Variants in CENPP observed in about 807,000 individuals in gnomAD.
CENPP encodes the protein centromere protein P.
Under a neutral mutation model 35.6 loss-of-function variants are expected in CENPP, and 24 were observed. The ratio of observed to expected loss-of-function variants is 0.67; its 90% CI spans 0.49 to 0.95. CENPP has a LOEUF of 0.95. Ranked by LOEUF, CENPP falls within the 40% of genes least tolerant of loss-of-function variation. The probability of loss-of-function intolerance (pLI) is 0.00; values close to 1 mark genes in which losing one functional copy is unlikely to be tolerated. For synonymous variants in CENPP, 120 were observed against 125.5 expected, an observed-to-expected ratio of 0.96 and a Z score of 0.29; for missense variants, 332 against 345.3, an observed-to-expected ratio of 0.96 and a Z score of 0.31.
At chr9:92,421,180 C>T (rs1843780863) in intron 5 of CENPP, among the ~76,000 whole-genome samples, 1 of 152,134 alleles carries the variant, frequency 6.6e-6, no homozygotes, top group East Asian at 1.9e-4. Context: ...GCTGGGATTA[C>T]AGATGCGTGC....
chr9:92,396,502 TAGG>T (rs1842895945), intron 5 of CENPP, among the ~76,000 whole-genome samples: 1 of 152,112 alleles, frequency 6.6e-6, no homozygotes, highest in African/African-American at 2.4e-5. Flanking sequence ...TCCTTATATA[TAGG>T]TCTTCTTTAT....
At chr9:92,491,051 T>G (rs1464879055) in intron 5 of CENPP, among the ~76,000 whole-genome samples, 1 of 152,204 alleles carries the variant, frequency 6.6e-6, no homozygotes, top group Non-Finnish European at 1.5e-5. Flanking sequence ...TTTTAGCACC[T>G]ACTTTGCACA....
chr9:92,325,900 G>A (rs1179576854), upstream of CENPP: 4 of 1,013,706 alleles, frequency 3.9e-6, no homozygotes, highest in Non-Finnish European at 5.9e-6. Context: ...CTCTGGGATG[G>A]TCCGCGCCGG....
At chr9:92,375,299 CT>C (rs560095787) in intron 4 of CENPP, among the ~76,000 whole-genome samples, 12 of 147,002 alleles carry the variant, frequency 8.2e-5, no homozygotes, top group Admixed American at 1.4e-4. Flanking sequence ...TTTACTGATT[CT>C]TTTTTTTTTG....
At position 92,620,050 on chromosome 9, in the gene CENPP, C is replaced by T. The variant is rs771416365; in HGVS notation, c.*6901C>T. 51 of 171,930 alleles carry T rather than the reference C, an allele frequency of 3.0e-4. No individual in the cohort carries two copies. Among genetic ancestry groups the T allele is most frequent in the Middle Eastern group, 2.9e-3 (1 of 340 alleles). 10.7% of individuals were successfully genotyped at this position (171,930 alleles called of 1,614,324 possible). On this transcript the variant is annotated 3_prime_UTR_variant, in exon 8 of 8. Coordinates refer to ENST00000375587, the MANE Select transcript of CENPP (RefSeq NM_001012267.3). Reference sequence around the variant, plus strand: ...TACAGCCACCAGAGACAACGGCAGACGGCCACCCTTCTACAGGCTGTGCAT... The same window carrying T: ...TACAGCCACCAGAGACAACGGCAGATGGCCACCCTTCTACAGGCTGTGCAT...
At chr9:92,549,292 A>G in intron 5 of CENPP, among the ~76,000 whole-genome samples, 1 of 152,168 alleles carries the variant, frequency 6.6e-6, no homozygotes, top group Non-Finnish European at 1.5e-5. Flanking sequence ...CTCATAACCA[A>G]AACTGTCCAG....
chr9:92,493,957 G>T (rs1039595297), intron 5 of CENPP: 2 of 774,568 alleles, frequency 2.6e-6, no homozygotes, highest in Non-Finnish European at 2.0e-6. Flanking sequence ...AATCCAGGCC[G>T]TTGAGGGTGG....
intron 5 of CENPP, among the ~76,000 whole-genome samples, chr9:92,546,899 C>A (rs1849472810): frequency 6.6e-6 from 1 of 152,084 alleles, no homozygotes. Flanking sequence ...ACAAGAGATA[C>A]CACAGGTCTC....
Position 92,553,793 on chromosome 9 carries a change from G to T in CENPP, c.565-57521G>T, listed in dbSNP as rs141748695. The stretch of plus-strand genomic sequence containing the variant: ...TTCTGGAAACTTTGCTAAATTCTTT[G>T]ATCAGTTCTAGGAGCTTTCTGGAGG... On this transcript the variant is annotated intron_variant, in intron 5 of 7. Coordinates refer to ENST00000375587, the MANE Select transcript of CENPP (RefSeq NM_001012267.3). Among the ~76,000 whole-genome samples, 554 of 152,266 alleles carry T rather than the reference G, an allele frequency of 3.6e-3. 2 individuals are homozygous for T. The highest frequency in any genetic ancestry group is 9.1e-3 in the South Asian group (44 of 4,824).
chr9:92,414,976 G>A (rs1843546035), intron 5 of CENPP: 1 of 417,350 alleles, frequency 2.4e-6, no homozygotes, highest in African/African-American at 2.1e-5. Flanking sequence ...ATTATTTTGA[G>A]TAAGTTCTAA....
intron 4 of CENPP, among the ~76,000 whole-genome samples, chr9:92,358,870 T>C (rs949230148): frequency 2.6e-5 from 4 of 152,026 alleles, no homozygotes; most frequent in Non-Finnish European, 5.9e-5. Context: ...CATCAGATTT[T>C]TTTTCAGGGA....
intron 5 of CENPP, among the ~76,000 whole-genome samples, chr9:92,598,645 C>T (rs1014753425): frequency 3.9e-5 from 6 of 151,990 alleles, no homozygotes; most frequent in Non-Finnish European, 8.8e-5. Context: ...CACACTGTTT[C>T]CTGTCTCCTG....
intron 5 of CENPP, chr9:92,502,643 G>A: frequency 6.4e-7 from 1 of 1,573,904 alleles, no homozygotes; most frequent in Non-Finnish European, 8.7e-7. Flanking sequence ...TTATTTTCTA[G>A]GTATAATTCC....
chr9:92,578,018 C>G (rs1432740764), intron 5 of CENPP, among the ~76,000 whole-genome samples: 1 of 141,560 alleles, frequency 7.1e-6, no homozygotes, highest in African/African-American at 2.6e-5. Flanking sequence ...TCTCATTGTT[C>G]AGTTCCCACC....
rs147897307 is a variant in CENPP, at chr9:92,437,690, C to A, written c.564+57831C>A. Among the ~76,000 whole-genome samples, 64 of 152,254 alleles carry A rather than the reference C, an allele frequency of 4.2e-4. 2 individuals carry two copies. In the East Asian group the frequency reaches 0.01, roughly 24 times the overall value. ...AAAGTGTTGGGATTACAGGCATGAG[C>A]CATTGTGCCTAGGCTTTTCATCTTC... is the stretch of plus-strand genomic sequence containing the variant. On this transcript the variant is annotated intron_variant, in intron 5 of 7. Coordinates refer to ENST00000375587, the MANE Select transcript of CENPP (RefSeq NM_001012267.3).
intron 5 of CENPP, among the ~76,000 whole-genome samples, chr9:92,383,210 C>A (rs1842304820): frequency 6.6e-6 from 1 of 152,098 alleles, no homozygotes; most frequent in South Asian, 2.1e-4. Flanking sequence ...ACACTGTTTT[C>A]ATTACTGTAT....
intron 5 of CENPP, among the ~76,000 whole-genome samples, chr9:92,403,047 T>C (rs1201474823): frequency 6.6e-6 from 1 of 152,188 alleles, no homozygotes. Context: ...ATAGATACCA[T>C]TTATTAATTT....
intron 5 of CENPP, among the ~76,000 whole-genome samples, chr9:92,516,034 T>TGTGAACTTGAAC (rs1847683224): frequency 1.3e-5 from 2 of 151,046 alleles, no homozygotes; most frequent in African/African-American, 2.4e-5. Flanking sequence ...GGGTAAACAG[T>TGTGAACTTGAAC]TCTAGGAAGA....
rs982629744 is a variant in CENPP at position 92,561,814 on chromosome 9, T to C, written c.565-49500T>C. On this transcript the variant is annotated intron_variant, in intron 5 of 7. Transcript: ENST00000375587. The stretch of plus-strand genomic sequence containing the variant: ...GATGGGAGAGAAACAAAGAAGCCAA[T>C]ATGAATGAGCACCTACTGGCTGCCA... Among the ~76,000 whole-genome samples, 92 of 152,164 alleles carry C rather than the reference T, an allele frequency of 6.0e-4. 1 individual carries two copies. The highest frequency in any genetic ancestry group is 9.2e-4 in the Admixed American group (14 of 15,278).
Sources: allele counts gnomAD v4.1 joint callset (sites outside exome capture counted in the v4.1 genomes callset), GRCh38; gene constraint gnomAD v4.1.1; transcripts MANE v1.5; gene names NCBI Gene and HGNC (gene_info 2026-07-23, HGNC 2026-07-21).